PAPSS2: variants seen among roughly 807,000 people sequenced by gnomAD.
PAPSS2 encodes the protein 3'-phosphoadenosine 5'-phosphosulfate synthase 2.
PAPSS2 carries 61 observed loss-of-function variants against 66.5 expected under a neutral mutation model. That is an observed-to-expected ratio of 0.92 (90% confidence interval 0.75 to 1.14). The LOEUF is 1.14. Among genes scored for constraint, PAPSS2 ranks in the 50% most tolerant of loss-of-function variants. The probability of loss-of-function intolerance (pLI) is 0.00; values close to 1 mark genes in which losing one functional copy is unlikely to be tolerated. For missense variants in PAPSS2, 708 were observed against 789.6 expected, an observed-to-expected ratio of 0.90 and a Z score of 1.24; for synonymous variants, 289 against 287.5, an observed-to-expected ratio of 1.01 and a Z score of -0.05.
intron 1 of PAPSS2, among the ~76,000 whole-genome samples, chr10:87,686,758 C>T (rs1853094686): frequency 6.6e-6 from 1 of 152,178 alleles, no homozygotes; most frequent in African/African-American, 2.4e-5. Flanking sequence ...ACCATCCCTT[C>T]TGATTAACGT....
In PAPSS2 at chr10:87,741,323, G is replaced by A. The variant is rs533052477; in HGVS notation, c.1175G>A (p.Arg392His). 2.2e-5 allele frequency: 36 copies of A among 1,613,752 alleles called. No homozygotes were observed. Among genetic ancestry groups the A allele is most frequent in the Admixed American group, 1.0e-4 (6 of 60,024 alleles). ...IRWNDGLDQYRLTPLELKQKC... is the reference protein window; with the variant it reads ...IRWNDGLDQYHLTPLELKQKC... The stretch of plus-strand genomic sequence containing the variant: ...TGGAATGATGGGCTGGACCAATACC[G>A]TCTGACACCTCTGGAGCTCAAACAG... The change falls in exon 10 of 13, where the codon CGT becomes CAT. Residue 392 changes from arginine (R) to histidine (H), a missense_variant. Coordinates refer to ENST00000456849, the MANE Select transcript of PAPSS2 (RefSeq NM_001015880.2).
At chr10:87,699,979 A>G (rs931390972) in intron 1 of PAPSS2, among the ~76,000 whole-genome samples, 1 of 152,114 alleles carries the variant, frequency 6.6e-6, no homozygotes, top group African/African-American at 2.4e-5. Context: ...CAAGATGATT[A>G]TTATCACTAT....
At position 87,692,511 on chromosome 10, in the gene PAPSS2, G is replaced by T. The variant is rs528548421; in HGVS notation, c.28-16685G>T. On this transcript the variant is annotated intron_variant, in intron 1 of 12. Transcript: ENST00000456849. ...AGCGATGAGAAGACAGAAAAGCTCT[G>T]AGAGAGAACATTATCTTGGAAGCTG... 1.6e-3 allele frequency among the ~76,000 whole-genome samples: 247 copies of T among 152,306 alleles called. 2 individuals are homozygous for T. Among genetic ancestry groups the T allele is most frequent in the Non-Finnish European group, 3.3e-3 (223 of 68,022 alleles).
At chr10:87,679,852 C>G (rs1357354079) in intron 1 of PAPSS2, among the ~76,000 whole-genome samples, 2 of 151,708 alleles carry the variant, frequency 1.3e-5, no homozygotes, top group Non-Finnish European at 2.9e-5. Context: ...ATGACAAAAC[C>G]CCATCTCTAC....
Position 87,745,210 on chromosome 10 carries a change from T to C in PAPSS2, c.1700T>C (p.Met567Thr). ...VAAYNKAKKA[M>T]DFYDPARHNE... The stretch of plus-strand genomic sequence containing the variant: ...GCCTACAACAAAGCCAAAAAAGCCA[T>C]GGACTTCTATGATCCAGCAAGGTAG... The change falls in exon 12 of 13, where the codon ATG (methionine) becomes ACG (threonine). Residue 567 changes from methionine (M) to threonine (T), a missense_variant. Coordinates refer to ENST00000456849, the MANE Select transcript of PAPSS2 (RefSeq NM_001015880.2). 1 of 1,613,186 alleles carries C rather than the reference T, an allele frequency of 6.2e-7. No homozygotes were observed. Among genetic ancestry groups the C allele is most frequent in the Non-Finnish European group, 8.5e-7 (1 of 1,179,460 alleles).
chr10:87,692,749 T>C (rs1362077425), intron 1 of PAPSS2, among the ~76,000 whole-genome samples: 2 of 152,204 alleles, frequency 1.3e-5, no homozygotes, highest in African/African-American at 2.4e-5. Flanking sequence ...GAGAATCTAA[T>C]GGGTTCATCC....
Position 87,727,362 on chromosome 10 carries a change from A to T in PAPSS2, c.959A>T (p.Lys320Met). Reference sequence around the variant, plus strand: ...AAGACACGGCTGGAAGGGTGCAGCAAGTTTGTCCTGGCACATGGTGGACGG... The same window carrying T: ...AAGACACGGCTGGAAGGGTGCAGCATGTTTGTCCTGGCACATGGTGGACGG... ...EDKTRLEGCS[K>M]FVLAHGGRRV... Residue 320 changes from lysine to methionine, a missense_variant, in exon 9 of 13, where the codon AAG (lysine) becomes ATG (methionine). Lys to Met is a moderately conservative substitution (Grantham distance 95, BLOSUM62 -1). Coordinates refer to ENST00000456849, the MANE Select transcript of PAPSS2 (RefSeq NM_001015880.2). 1 of 1,614,084 alleles carries T rather than the reference A, an allele frequency of 6.2e-7. No homozygotes were observed. The highest frequency in any genetic ancestry group is 1.3e-5 in the African/African-American group (1 of 75,028).
intron 1 of PAPSS2, among the ~76,000 whole-genome samples, chr10:87,706,496 C>T (rs1233405626): frequency 1.3e-5 from 2 of 151,280 alleles, no homozygotes; most frequent in Non-Finnish European, 2.9e-5. Context: ...GTGGCTTCTG[C>T]CTGTAATCCT....
intron 1 of PAPSS2, among the ~76,000 whole-genome samples, chr10:87,693,858 G>A (rs770246217): frequency 2.6e-5 from 4 of 152,182 alleles, no homozygotes; most frequent in Admixed American, 1.3e-4. Flanking sequence ...TTTTTCTGTG[G>A]TGGGGCCTAG....
rs12775089 is a variant in PAPSS2 at position 87,660,353 on chromosome 10, C to T, written c.27+345C>T. The T allele has an allele frequency of 9.6e-3, 4,553 of 475,146 alleles. 37 individuals are homozygous for T. Among genetic ancestry groups the T allele is most frequent in the Non-Finnish European group, 0.014 (3,700 of 262,926 alleles). The allele number at this position is 475,146 out of a possible 1,614,324, so 29.4% of individuals were successfully genotyped here. On this transcript the variant is annotated intron_variant, in intron 1 of 12. Coordinates refer to ENST00000456849, the MANE Select transcript of PAPSS2 (RefSeq NM_001015880.2). ...TTTCCCAAGAGCTCTTCCAGACCCGCCTTTTCTTCTGTAGGGTCTCGGAGC... is the reference window on the plus strand; with the variant it reads ...TTTCCCAAGAGCTCTTCCAGACCCGTCTTTTCTTCTGTAGGGTCTCGGAGC...
Position 87,743,392 on chromosome 10 carries a change from G to A in PAPSS2, c.1242G>A (p.Gln414=). The A allele has an allele frequency of 6.2e-7, 1 of 1,613,994 alleles. No homozygotes were observed. Among genetic ancestry groups the A allele is most frequent in the Admixed American group, 1.7e-5 (1 of 60,018 alleles). The change falls in exon 11 of 13, where the codon CAG becomes CAA. Residue 414 remains glutamine (Q), a synonymous_variant. Coordinates refer to ENST00000456849, the MANE Select transcript of PAPSS2 (RefSeq NM_001015880.2). ...EMNADAVFAF[Q]LRNPVHNGHA... ...TCCCAGATGCGGTGTTTGCATTCCA[G>A]TTGCGCAATCCTGTCCACAATGGCC...
intron 1 of PAPSS2, among the ~76,000 whole-genome samples, chr10:87,688,589 A>G (rs1404352238): frequency 6.6e-6 from 1 of 151,682 alleles, no homozygotes; most frequent in South Asian, 2.1e-4. Context: ...CCTCCCCAGT[A>G]GCTGGGACTA....
chr10:87,715,127 T>A, intron 6 of PAPSS2, 29 bp downstream of exon 6: 2 of 1,081,916 alleles, frequency 1.8e-6, no homozygotes, highest in Non-Finnish European at 2.9e-6. Flanking sequence ...GTCAAATAAT[T>A]AGGCTTAATA....
In PAPSS2 at chr10:87,660,017, C is replaced by T. The variant is rs1331025341; in HGVS notation, c.27+9C>T. On this transcript the variant is annotated intron_variant, in intron 1 of 12. Transcript: ENST00000456849. ...TCAAGAAGCAAAAGACGGTAGGCTT[C>T]CAGGCGCCGGCTTCCCTCCCCGCCA... 1 of 1,611,710 alleles carries T rather than the reference C, an allele frequency of 6.2e-7. No homozygotes were observed. Among genetic ancestry groups the T allele is most frequent in the Non-Finnish European group, 8.5e-7 (1 of 1,179,074 alleles).
intron 1 of PAPSS2, among the ~76,000 whole-genome samples, chr10:87,701,871 GA>G (rs909623029): frequency 1.3e-5 from 2 of 152,092 alleles, no homozygotes; most frequent in African/African-American, 2.4e-5. Context: ...CAACCTGGGG[GA>G]AAAAACAGTA....
At chr10:87,706,102 A>ATGTGTGTG (rs1305933544) in intron 1 of PAPSS2, among the ~76,000 whole-genome samples, 1 of 78,316 alleles carries the variant, frequency 1.3e-5, no homozygotes, top group South Asian at 5.5e-4. Context: ...ATATATATAT[A>ATGTGTGTG]TATATATGTG....
intron 1 of PAPSS2, among the ~76,000 whole-genome samples, chr10:87,682,482 T>A (rs1298447995): frequency 6.6e-6 from 1 of 152,232 alleles, no homozygotes; most frequent in Non-Finnish European, 1.5e-5. Flanking sequence ...ATGGGAGTTG[T>A]TCTCCCTTCT....
chr10:87,662,599 G>A lies in PAPSS2; in HGVS notation c.27+2591G>A, dbSNP rs1262296403. Among the ~76,000 whole-genome samples the A allele has an allele frequency of 3.4e-5, 5 of 148,860 alleles. No homozygotes were observed. The East Asian group carries it at 9.9e-4, about 29-fold the overall frequency. ...CACACACATAGACACCTAGGAGAGG[G>A]AAAGGGACAGACTGCCTCTAGGGGA... On this transcript the variant is annotated intron_variant, in intron 1 of 12. Coordinates refer to ENST00000456849, the MANE Select transcript of PAPSS2 (RefSeq NM_001015880.2).
chr10:87,706,108 A>ATATATGTGTGTGTGTGTGTG, intron 1 of PAPSS2, among the ~76,000 whole-genome samples: 17 of 51,994 alleles, frequency 3.3e-4, no homozygotes, highest in African/African-American at 1.6e-3. Flanking sequence ...ATATATATAT[A>ATATATGTGTGTGTGTGTGTG]TGTGTGTGTG....
Sources: allele counts gnomAD v4.1 joint callset (sites outside exome capture counted in the v4.1 genomes callset), GRCh38; gene constraint gnomAD v4.1.1; transcripts MANE v1.5; gene names NCBI Gene and HGNC (gene_info 2026-07-23, HGNC 2026-07-21).